PIP5K1B: variants seen among roughly 807,000 people sequenced by gnomAD.
PIP5K1B encodes the protein phosphatidylinositol 4-phosphate 5-kinase type-1 beta.
In PIP5K1B, 42 loss-of-function variants were observed where a neutral mutation model predicts 67.0. That is an observed-to-expected ratio of 0.63 (90% CI 0.49 to 0.81). The LOEUF is 0.81. PIP5K1B is among the 30% of genes least tolerant of loss of function. The pLI is 0.00. For missense variants in PIP5K1B, 459 were observed against 646.3 expected, an observed-to-expected ratio of 0.71 and a Z score of 3.14; for synonymous variants, 214 against 231.4, an observed-to-expected ratio of 0.92 and a Z score of 0.68.
Position 68,945,912 on chromosome 9 carries a change from T to C in PIP5K1B, c.1502+5122T>C, listed in dbSNP as rs1293725568. The stretch of plus-strand genomic sequence containing the variant: ...TGCCTTTTCTTTTTCCATGGGATTT[T>C]GAGTGAGGATTTTCATCTTCAAAGA... On this transcript the variant is annotated intron_variant, in intron 14 of 15. Transcript: ENST00000265382. 3.3e-5 allele frequency among the ~76,000 whole-genome samples: 5 copies of C among 152,234 alleles called. No individual in the cohort carries two copies. The East Asian group carries it at 9.6e-4, about 29-fold the overall frequency.
chr9:68,854,304 A>AT (rs995057882), intron 4 of PIP5K1B, among the ~76,000 whole-genome samples: 8 of 151,602 alleles, frequency 5.3e-5, no homozygotes, highest in Non-Finnish European at 1.0e-4. Flanking sequence ...CAATTTTTTG[A>AT]TTTTTTGTAG....
chr9:68,876,703 A>G lies in PIP5K1B; in HGVS notation c.227A>G (p.His76Arg). ...GAAGGGAGCAATCTGACCCCAGCACATCACTACCCAGACTTTAGATTTAAG... is the reference window on the plus strand; with the variant it reads ...GAAGGGAGCAATCTGACCCCAGCACGTCACTACCCAGACTTTAGATTTAAG... The part of the protein sequence containing the change: ...PSEGSNLTPA[H>R]HYPDFRFKTY... The change falls in exon 6 of 16, where the codon CAT becomes CGT. Residue 76 changes from histidine to arginine, a missense_variant. Physicochemically the swap from His to Arg is conservative, Grantham distance 29. Around this residue, in one of 2 missense-constraint regions of PIP5K1B, gnomAD observed 290 missense variants for 474.4 expected, o/e 0.61. Coordinates refer to ENST00000265382, the MANE Select transcript of PIP5K1B (RefSeq NM_003558.4). 6.2e-7 allele frequency: 1 copy of G among 1,606,404 alleles called. No homozygotes were observed. The highest frequency in any genetic ancestry group is 1.1e-5 in the South Asian group (1 of 90,930).
chr9:68,926,037 C>T (rs1225911524), intron 12 of PIP5K1B, among the ~76,000 whole-genome samples: 1 of 151,820 alleles, frequency 6.6e-6, no homozygotes, highest in Non-Finnish European at 1.5e-5. Flanking sequence ...TCAAGCGACC[C>T]ACCCACCTCA....
At position 68,940,765 on chromosome 9, in the gene PIP5K1B, G is replaced by T; in HGVS notation, c.1477G>T (p.Asp493Tyr). ...SLYVNEHYPH[D>Y]RPTLYSNSKG... The stretch of plus-strand genomic sequence containing the variant: ...ATACGTCAATGAGCACTATCCACAC[G>T]ACAGGCCTACACTCTATTCAAACAG... Residue 493 changes from aspartate to tyrosine, a missense_variant, in exon 14 of 16, where the codon GAC becomes TAC. Transcript: ENST00000265382. 1.2e-6 allele frequency: 2 copies of T among 1,613,788 alleles called. No homozygotes were observed. Among genetic ancestry groups the T allele is most frequent in the South Asian group, 1.1e-5 (1 of 91,064 alleles).
chr9:69,007,611 A>C (rs1341194235), intron 15 of PIP5K1B, among the ~76,000 whole-genome samples: 4 of 152,198 alleles, frequency 2.6e-5, no homozygotes, highest in Non-Finnish European at 5.9e-5. Context: ...TAATCCCAGC[A>C]CTTTGGGAGG....
chr9:68,876,853 A>C, intron 6 of PIP5K1B, 59 bp downstream of exon 6: 1 of 868,306 alleles, frequency 1.2e-6, no homozygotes, highest in Non-Finnish European at 2.0e-6. Context: ...CATTTGTCTC[A>C]TAGCAACAGC....
intron 2 of PIP5K1B, among the ~76,000 whole-genome samples, chr9:68,785,721 T>C (rs1192062346): frequency 4.6e-5 from 7 of 152,106 alleles, no homozygotes; most frequent in African/African-American, 1.7e-4. Context: ...AGGCAGCGAA[T>C]TGTGGTGGTT....
At chr9:68,952,320 T>G (rs1587711598) in intron 14 of PIP5K1B, among the ~76,000 whole-genome samples, 1 of 152,324 alleles carries the variant, frequency 6.6e-6, no homozygotes, top group East Asian at 1.9e-4. Context: ...TGCAGAAGTT[T>G]CCGCCAGACA....
intron 12 of PIP5K1B, among the ~76,000 whole-genome samples, chr9:68,928,445 A>G (rs1193624424): frequency 1.3e-5 from 2 of 152,242 alleles, no homozygotes; most frequent in Admixed American, 6.5e-5. Flanking sequence ...CCTTATGCTT[A>G]CAAAGGACTT....
chr9:68,859,934 A>G (rs535517303), intron 4 of PIP5K1B, among the ~76,000 whole-genome samples: 2 of 152,264 alleles, frequency 1.3e-5, no homozygotes, highest in African/African-American at 4.8e-5. Context: ...AGTAAAAATT[A>G]TATGTATTTA....
intron 1 of PIP5K1B, among the ~76,000 whole-genome samples, chr9:68,720,585 T>A (rs142011699): frequency 2.0e-5 from 3 of 152,192 alleles, no homozygotes; most frequent in South Asian, 4.1e-4. Flanking sequence ...ACCAATTTTT[T>A]AAAAATGTTC....
chr9:68,745,892 A>G (rs1207248720), intron 2 of PIP5K1B, among the ~76,000 whole-genome samples: 1 of 152,180 alleles, frequency 6.6e-6, no homozygotes, highest in Non-Finnish European at 1.5e-5. Context: ...TATACAAGCT[A>G]TTTAGTGTCT....
In PIP5K1B at chr9:68,766,053, C is replaced by T. The variant is rs146230119; in HGVS notation, c.-86+23396C>T. On this transcript the variant is annotated intron_variant, in intron 2 of 15. Coordinates refer to ENST00000265382, the MANE Select transcript of PIP5K1B (RefSeq NM_003558.4). ...CCATTAGTAGATAATCAAATTATGG[C>T]TCTTTTATCCACTGAGTACCTTGTA... Among the ~76,000 whole-genome samples, 1,069 of 152,178 alleles carry T rather than the reference C, an allele frequency of 7.0e-3. 12 individuals are homozygous for T. Among genetic ancestry groups the T allele is most frequent in the East Asian group, 0.018 (95 of 5,186 alleles).
chr9:68,858,052 C>T (rs1026261612), intron 4 of PIP5K1B, among the ~76,000 whole-genome samples: 3 of 152,088 alleles, frequency 2.0e-5, no homozygotes, highest in African/African-American at 7.2e-5. Context: ...TGGGTCACTA[C>T]AACCTTTGCC....
chr9:68,974,081 G>C (rs1392764110), intron 14 of PIP5K1B, among the ~76,000 whole-genome samples: 1 of 152,152 alleles, frequency 6.6e-6, no homozygotes, highest in Non-Finnish European at 1.5e-5. Context: ...TGTTGCCCAG[G>C]CTGGTTTCAA....
chr9:68,967,753 C>T (rs1336188171), intron 14 of PIP5K1B, among the ~76,000 whole-genome samples: 4 of 152,144 alleles, frequency 2.6e-5, no homozygotes, highest in Non-Finnish European at 4.4e-5. Flanking sequence ...CTCTGGGAAG[C>T]CTGAGACTCA....
intron 4 of PIP5K1B, among the ~76,000 whole-genome samples, chr9:68,849,546 T>G (rs2132194909): frequency 6.6e-6 from 1 of 152,278 alleles, no homozygotes; most frequent in Non-Finnish European, 1.5e-5. Flanking sequence ...TTGCATTTTT[T>G]GTAAAGACAG....
chr9:68,825,872 C>T (rs1833952155), intron 4 of PIP5K1B, among the ~76,000 whole-genome samples: 1 of 152,190 alleles, frequency 6.6e-6, no homozygotes, highest in Non-Finnish European at 1.5e-5. Flanking sequence ...TACTGGGCAG[C>T]TGCCAGTAAC....
At chr9:68,802,351 G>C (rs1832643128) in intron 2 of PIP5K1B, among the ~76,000 whole-genome samples, 1 of 152,170 alleles carries the variant, frequency 6.6e-6, no homozygotes, top group South Asian at 2.1e-4. Context: ...GCTTATCTAA[G>C]AACAACAGAA....
Sources: gnomAD v4.1 joint callset for allele counts (sites outside exome capture counted in the v4.1 genomes callset) on GRCh38, gnomAD v4.1.1 for gene constraint, gnomAD v4.1.1 regional missense constraint, MANE v1.5 for transcripts, NCBI Gene and HGNC (gene_info 2026-07-23, HGNC 2026-07-21) for gene names.